The following SOS2 variants were observed in gnomAD, a reference collection of about 807,000 sequenced individuals.
SOS2 encodes the protein SOS Ras/Rho guanine nucleotide exchange factor 2.
Under a neutral mutation model 148.2 loss-of-function variants are expected in SOS2, and 65 were observed. That is an observed-to-expected ratio of 0.44 (90% CI 0.36 to 0.54). The LOEUF is 0.54. SOS2 is among the 20% of genes least tolerant of loss of function. SOS2 has a pLI of 0.00. For missense variants in SOS2, 1,341 were observed against 1,590.2 expected (o/e 0.84, Z 2.67); for synonymous variants, 539 against 537.1 (o/e 1.00, Z -0.05).
chr14:50,167,363 T>C, intron 8 of SOS2, among the ~76,000 whole-genome samples: 1 of 142,218 alleles, frequency 7.0e-6, no homozygotes, highest in Non-Finnish European at 1.5e-5. Context: ...ACCCCTTCTC[T>C]ACAAAAAATA....
rs538341032 is a variant in SOS2, at chr14:50,188,567, C to T, written c.644G>A (p.Arg215Gln). The change falls in exon 5 of 23, where the codon CGG (arginine) becomes CAG (glutamine). Residue 215 changes from arginine to glutamine, a missense_variant. Arg to Gln is a conservative substitution (Grantham distance 43). Transcript: ENST00000216373. The stretch of plus-strand genomic sequence containing the variant: ...CACTTTTATGATCATATTTAATTCC[C>T]GTAGATACTGTCTTTCTTCTGCGAT... ...TEIAEERQYL[R>Q]ELNMIIKVFR... 125 of 1,607,530 alleles carry T rather than the reference C, an allele frequency of 7.8e-5. 1 individual carries two copies. The South Asian group carries it at 1.2e-3, about 15-fold the overall frequency.
At chr14:50,120,736 CTT>C (rs34012845) in intron 21 of SOS2, among the ~76,000 whole-genome samples, 8 of 107,490 alleles carry the variant, frequency 7.4e-5, no homozygotes, top group Non-Finnish European at 8.7e-5. Context: ...AATCAGAGAC[CTT>C]TTTTTTTTTT....
At chr14:50,196,135 G>GT (rs1404057464) in intron 4 of SOS2, among the ~76,000 whole-genome samples, 1 of 152,210 alleles carries the variant, frequency 6.6e-6, no homozygotes, top group African/African-American at 2.4e-5. Context: ...GTAGAATGTG[G>GT]TTACCAGAGG....
intron 21 of SOS2, among the ~76,000 whole-genome samples, chr14:50,125,300 A>C (rs1383378705): frequency 6.6e-6 from 1 of 152,220 alleles, no homozygotes; most frequent in Non-Finnish European, 1.5e-5. Flanking sequence ...AAGGTAGAAG[A>C]AGCAAGGAAG....
At chr14:50,156,288 A>G (rs1566829903) in intron 12 of SOS2, 1 of 152,072 alleles carries the variant, frequency 6.6e-6, no homozygotes, top group African/African-American at 2.4e-5. Context: ...ACACGCAAAG[A>G]AAGTCAGACA....
In SOS2 at chr14:50,117,418, C is replaced by T. The variant is rs562526420; in HGVS notation, c.*926G>A. ...TATTTAAAAAAAATTTCAGTTAACA[C>T]GAGATTTATAGAGAAAGTTACTAGG... On this transcript the variant is annotated 3_prime_UTR_variant, in exon 23 of 23. Coordinates refer to ENST00000216373, the MANE Select transcript of SOS2 (RefSeq NM_006939.4). The T allele has an allele frequency of 6.6e-6, 1 of 152,164 alleles. No individual in the cohort carries two copies. The highest frequency in any genetic ancestry group is 6.5e-5 in the Admixed American group (1 of 15,294). The allele number at this position is 152,164 out of a possible 1,614,324, so 9.4% of individuals were successfully genotyped here.
At position 50,159,634 on chromosome 14, in the gene SOS2, C is replaced by T. The variant is rs750617087; in HGVS notation, c.1649G>A (p.Arg550Gln). ...TTTCAATAATACTGAATCTAACATTCGATCTAGAGTACTACGATAATGAAG... is the reference window on the plus strand; with the variant it reads ...TTTCAATAATACTGAATCTAACATTTGATCTAGAGTACTACGATAATGAAG... ...ISLHYRSTLD[R>Q]MLDSVLLKEE... Residue 550 changes from arginine to glutamine, a missense_variant, in exon 10 of 23, where the codon CGA (arginine) becomes CAA (glutamine). Around this residue, in one of 4 missense-constraint regions of SOS2, gnomAD observed 574 missense variants for 711.1 expected, o/e 0.81. Transcript: ENST00000216373. 9 of 1,613,434 alleles carry T rather than the reference C, an allele frequency of 5.6e-6. No individual in the cohort carries two copies. The highest frequency in any genetic ancestry group is 1.7e-5 in the Admixed American group (1 of 59,992).
chr14:50,159,584 A>T lies in SOS2; in HGVS notation c.1699T>A (p.Leu567Ile). The change falls in exon 10 of 23, where the codon TTA becomes ATA. Residue 567 changes from leucine (L) to isoleucine (I), a missense_variant. Physicochemically the swap from Leu to Ile is conservative, Grantham distance 5. Transcript: ENST00000216373. ...AAACGATATACTTCAGGACTTGGTA[A>T]TCTCAGTGGTTGCTCATTTTCTTCT... is the stretch of plus-strand genomic sequence containing the variant. The part of the protein sequence containing the change: ...LKEENEQPLR[L>I]PSPEVYRFVV... 6.2e-7 allele frequency: 1 copy of T among 1,614,002 alleles called. No individual in the cohort carries two copies. The highest frequency in any genetic ancestry group is 8.5e-7 in the Non-Finnish European group (1 of 1,179,944).
intron 20 of SOS2, 118 bp from the exon 21 acceptor site, chr14:50,130,120 A>C (rs765266866): frequency 1.1e-5 from 7 of 654,730 alleles, no homozygotes; most frequent in South Asian, 2.2e-5. Context: ...ATCTTTTGCC[A>C]TGTTAGTTTT....
chr14:50,134,811 C>T (rs191680019), intron 18 of SOS2, among the ~76,000 whole-genome samples: 8 of 151,960 alleles, frequency 5.3e-5, no homozygotes, highest in African/African-American at 1.4e-4. Flanking sequence ...CGGTGGCTCA[C>T]GCCTGTAATC....
chr14:50,156,929 C>G, intron 12 of SOS2, 70 bp downstream of exon 12: 1 of 902,778 alleles, frequency 1.1e-6, no homozygotes, highest in Non-Finnish European at 1.6e-6. Context: ...TGAAAACTGA[C>G]ACATAAAATG....
intron 22 of SOS2, among the ~76,000 whole-genome samples, chr14:50,119,977 A>G (rs1056371041): frequency 6.6e-6 from 1 of 151,372 alleles, no homozygotes; most frequent in Non-Finnish European, 1.5e-5. Flanking sequence ...ACACCCAGCT[A>G]ATTTTTTGTA....
chr14:50,130,420 A>G, intron 20 of SOS2, 81 bp downstream of exon 20: 1 of 1,180,866 alleles, frequency 8.5e-7, no homozygotes, highest in Non-Finnish European at 1.2e-6. Flanking sequence ...AAAGGATTCT[A>G]TAGTTCCCTA....
intron 8 of SOS2, among the ~76,000 whole-genome samples, chr14:50,168,597 AG>A (rs1885243121): frequency 1.3e-5 from 2 of 152,158 alleles, no homozygotes; most frequent in Admixed American, 1.3e-4. Context: ...GTTGAGTTGT[AG>A]GAGTTCTTTA....
At chr14:50,227,016 T>C (rs1436709999) in intron 1 of SOS2, among the ~76,000 whole-genome samples, 4 of 152,170 alleles carry the variant, frequency 2.6e-5, no homozygotes. Context: ...TCTAGGCTCT[T>C]TTAGGGAAGA....
In SOS2 at chr14:50,150,064, T is replaced by G; in HGVS notation, c.2328A>C (p.Thr776=). ...GACGTGCAATTTCTATTGGATGAAG[T>G]GTCATGAGATCAAATGTTTCAAACT... The part of the protein sequence containing the change: ...PGQFETFDLM[T]LHPIEIARQL... The change falls in exon 14 of 23, where the codon ACA becomes ACC. Residue 776 remains threonine, a synonymous_variant. Coordinates refer to ENST00000216373, the MANE Select transcript of SOS2 (RefSeq NM_006939.4). 3.1e-6 allele frequency: 5 copies of G among 1,614,064 alleles called. No individual in the cohort carries two copies. The highest frequency in any genetic ancestry group is 3.4e-6 in the Non-Finnish European group (4 of 1,179,948).
At chr14:50,167,519 G>A (rs1566834830) in intron 8 of SOS2, among the ~76,000 whole-genome samples, 1 of 145,860 alleles carries the variant, frequency 6.9e-6, no homozygotes, top group African/African-American at 2.5e-5. Context: ...TGGGCGACAA[G>A]AGTGAGACTC....
In SOS2 at chr14:50,223,751, G is replaced by C. The variant is rs149841275; in HGVS notation, c.87+7446C>G. On this transcript the variant is annotated intron_variant, in intron 1 of 22. Coordinates refer to ENST00000216373, the MANE Select transcript of SOS2 (RefSeq NM_006939.4). ...TCCCAGCTATATGGGGGCGGCAGGG[G>C]GGTGAGGTGGGAGGATCATTGAGCC... 2.4e-3 allele frequency among the ~76,000 whole-genome samples: 369 copies of C among 152,206 alleles called. 2 individuals carry two copies. The Middle Eastern group carries it at 0.061, about 25-fold the overall frequency.
chr14:50,213,886 C>T (rs1197538586), intron 1 of SOS2, among the ~76,000 whole-genome samples: 1 of 147,078 alleles, frequency 6.8e-6, no homozygotes, highest in African/African-American at 2.5e-5. Flanking sequence ...TGAGTCCCTG[C>T]CAAGAAAAAA....
Sources: gnomAD v4.1 joint callset for allele counts (sites outside exome capture counted in the v4.1 genomes callset) on GRCh38, gnomAD v4.1.1 for gene constraint, gnomAD v4.1.1 regional missense constraint, MANE v1.5 for transcripts, NCBI Gene and HGNC (gene_info 2026-07-23, HGNC 2026-07-21) for gene names.